The following CSMD1 variants were observed in gnomAD, a reference collection of about 807,000 sequenced individuals.
CSMD1 encodes CUB and Sushi multiple domains 1.
Under a neutral mutation model 417.5 loss-of-function variants are expected in CSMD1, and 213 were observed. The observed-to-expected ratio is 0.51, with a 90% CI of 0.46 to 0.57. The LOEUF is 0.57. Among genes scored for constraint, CSMD1 ranks in the 20% least tolerant of loss-of-function variants. The pLI, the probability that CSMD1 is intolerant of heterozygous loss-of-function variation, is 0.00. For missense variants in CSMD1, 6,923 were observed against 4,529.7 expected (o/e 1.53, Z -15.17); for synonymous variants, 2,862 against 1,736.8 (o/e 1.65, Z -16.11).
At chr8:2,996,943 T>G (rs147653660) in intron 54 of CSMD1, among the ~76,000 whole-genome samples, 2 of 152,248 alleles carry the variant, frequency 1.3e-5, no homozygotes, top group African/African-American at 2.4e-5. Flanking sequence ...ATGAAAGCTG[T>G]GATTGAAGCA....
intron 12 of CSMD1, among the ~76,000 whole-genome samples, chr8:3,413,002 T>C (rs542985136): frequency 6.6e-6 from 1 of 152,314 alleles, no homozygotes; most frequent in African/African-American, 2.4e-5. Context: ...CATTTGGTTT[T>C]GAATCCCCCA....
chr8:4,478,107 C>A (rs1050687800), intron 2 of CSMD1, among the ~76,000 whole-genome samples: 13 of 152,110 alleles, frequency 8.5e-5, no homozygotes, highest in South Asian at 8.3e-4. Context: ...AAGACCTACC[C>A]CTGGCTGTTA....
chr8:4,512,313 A>G (rs540984346), intron 2 of CSMD1, among the ~76,000 whole-genome samples: 1 of 152,308 alleles, frequency 6.6e-6, no homozygotes, highest in South Asian at 2.1e-4. Flanking sequence ...AATATCTACC[A>G]AAAAACCCTG....
intron 5 of CSMD1, among the ~76,000 whole-genome samples, chr8:3,917,203 G>A (rs1317603429): frequency 2.6e-5 from 4 of 152,160 alleles, no homozygotes; most frequent in African/African-American, 7.2e-5. Context: ...TCTCAGCTAA[G>A]TGTTTCCCAT....
At chr8:4,884,236 C>G (rs187375193) in intron 1 of CSMD1, among the ~76,000 whole-genome samples, 1 of 151,704 alleles carries the variant, frequency 6.6e-6, no homozygotes, top group Non-Finnish European at 1.5e-5. Flanking sequence ...CACACACATA[C>G]CTATGTTTAT....
At chr8:4,976,950 G>C (rs545820377) in intron 1 of CSMD1, among the ~76,000 whole-genome samples, 1 of 152,252 alleles carries the variant, frequency 6.6e-6, no homozygotes, top group East Asian at 1.9e-4. Context: ...AGTGGAATGA[G>C]GGCAGATGCT....
chr8:4,117,406 G>A (rs1356280679), intron 3 of CSMD1, among the ~76,000 whole-genome samples: 1 of 151,928 alleles, frequency 6.6e-6, no homozygotes, highest in Admixed American at 6.6e-5. Context: ...CTGAACCTCT[G>A]CCTGCCGCAA....
At chr8:3,585,869 G>T (rs994886231) in intron 9 of CSMD1, among the ~76,000 whole-genome samples, 1 of 152,140 alleles carries the variant, frequency 6.6e-6, no homozygotes, top group Non-Finnish European at 1.5e-5. Context: ...TGTGTGTATT[G>T]ATAGATACCA....
chr8:3,361,419 G>A (rs758617902), intron 20 of CSMD1, among the ~76,000 whole-genome samples: 1 of 151,848 alleles, frequency 6.6e-6, no homozygotes, highest in Non-Finnish European at 1.5e-5. Flanking sequence ...ATGAGGTCAG[G>A]AGTTTGAGAC....
At chr8:3,830,928 A>C (rs1052860847) in intron 5 of CSMD1, among the ~76,000 whole-genome samples, 22 of 152,002 alleles carry the variant, frequency 1.4e-4, no homozygotes, top group African/African-American at 5.1e-4. Context: ...ACCTAAAATT[A>C]TTTCTTAAGT....
chr8:2,976,468 C>T (rs1306660704), intron 55 of CSMD1, among the ~76,000 whole-genome samples: 2 of 152,166 alleles, frequency 1.3e-5, no homozygotes, highest in African/African-American at 4.8e-5. Flanking sequence ...ACCTCAGCCT[C>T]CCAATGTGCT....
intron 49 of CSMD1, among the ~76,000 whole-genome samples, chr8:3,081,012 T>C (rs1814056758): frequency 6.6e-6 from 1 of 152,194 alleles, no homozygotes; most frequent in Non-Finnish European, 1.5e-5. Context: ...TATTCTCCCA[T>C]ATTTATCTTA....
intron 3 of CSMD1, among the ~76,000 whole-genome samples, chr8:4,035,802 ATG>A (rs1018702878): frequency 2.4e-4 from 36 of 152,214 alleles, no homozygotes; most frequent in African/African-American, 8.4e-4. Context: ...AAAAAGAAAA[ATG>A]TGTTTTTATA....
At chr8:4,012,951 G>A (rs554632769) in intron 4 of CSMD1, among the ~76,000 whole-genome samples, 1 of 151,906 alleles carries the variant, frequency 6.6e-6, no homozygotes, top group Non-Finnish European at 1.5e-5. Context: ...AAATGTGTCT[G>A]GCCATCTCCT....
At chr8:3,817,249 CTTCTTTTTTTTTTTTT>C (rs1801430746) in intron 5 of CSMD1, among the ~76,000 whole-genome samples, 9 of 72,948 alleles carry the variant, frequency 1.2e-4, no homozygotes, top group African/African-American at 4.2e-4. Flanking sequence ...ATATCTTCTT[CTTCTTTTTTTTTTTTT>C]TTTTTTTTTT....
chr8:4,460,933 C>T (rs1441654227), intron 2 of CSMD1, among the ~76,000 whole-genome samples: 3 of 152,024 alleles, frequency 2.0e-5, no homozygotes, highest in South Asian at 4.2e-4. Flanking sequence ...AGGTCAATAC[C>T]CCAATATCAA....
chr8:3,499,276 T>C (rs1452694469), intron 10 of CSMD1, among the ~76,000 whole-genome samples: 2 of 152,240 alleles, frequency 1.3e-5, no homozygotes, highest in Non-Finnish European at 1.5e-5. Context: ...TGCATGTTTG[T>C]AGCTGTCTGA....
intron 3 of CSMD1, among the ~76,000 whole-genome samples, chr8:4,032,627 G>A (rs536583432): frequency 1.3e-5 from 2 of 152,106 alleles, no homozygotes; most frequent in East Asian, 1.9e-4. Flanking sequence ...TAATAAATTA[G>A]AAATCTCATG....
intron 8 of CSMD1, among the ~76,000 whole-genome samples, chr8:3,589,382 G>C (rs1800745476): frequency 1.9e-5 from 1 of 52,872 alleles, no homozygotes; most frequent in African/African-American, 4.9e-5. Context: ...AAAATGTGGT[G>C]TGTGTGTGTG....
Sources: allele counts gnomAD v4.1 joint callset (sites outside exome capture counted in the v4.1 genomes callset), GRCh38; gene constraint gnomAD v4.1.1; transcripts MANE v1.5; gene names NCBI Gene and HGNC (gene_info 2026-07-23, HGNC 2026-07-21).